FMNL2: variants seen among roughly 807,000 people sequenced by gnomAD.
FMNL2 encodes the protein formin-like protein 2.
Under a neutral mutation model 130.2 loss-of-function variants are expected in FMNL2, and 51 were observed. That is an observed-to-expected ratio of 0.39 (90% CI 0.31 to 0.49). The LOEUF (loss-of-function observed/expected upper bound fraction) is 0.49, where lower values mean the gene tolerates loss of function less well. FMNL2 is among the 20% of genes least tolerant of loss of function. FMNL2 has a pLI of 0.85. For missense variants in FMNL2, 977 were observed against 1,316.2 expected, an observed-to-expected ratio of 0.74 and a Z score of 3.99; for synonymous variants, 465 against 467.1, an observed-to-expected ratio of 1.00 and a Z score of 0.06.
At chr2:152,601,696 G>A (rs1388380556) in intron 9 of FMNL2, among the ~76,000 whole-genome samples, 1 of 138,270 alleles carries the variant, frequency 7.2e-6, no homozygotes, top group Admixed American at 7.3e-5. Context: ...TTGAGACAGA[G>A]TCTCACTCTG....
In FMNL2 at chr2:152,337,563, A is replaced by G. The variant is rs1681548221; in HGVS notation, c.117+1843A>G. Among the ~76,000 whole-genome samples, 3 of 152,112 alleles carry G rather than the reference A, an allele frequency of 2.0e-5. 1 individual carries two copies. In the South Asian group the frequency reaches 6.2e-4, roughly 31 times the overall value. The stretch of plus-strand genomic sequence containing the variant: ...GAGCTTTCATTTACCCTGCTGATTA[A>G]TAACACATGGTGTGAATTAATCTTT... On this transcript the variant is annotated intron_variant, in intron 1 of 25. Coordinates refer to ENST00000288670, the MANE Select transcript of FMNL2 (RefSeq NM_052905.4).
intron 1 of FMNL2, among the ~76,000 whole-genome samples, chr2:152,505,770 A>G (rs1692136345): frequency 6.6e-6 from 1 of 152,222 alleles, no homozygotes; most frequent in Admixed American, 6.5e-5. Context: ...AAAAAACTGA[A>G]ACCCAGAATC....
chr2:152,522,602 T>A (rs1693157250), intron 2 of FMNL2, among the ~76,000 whole-genome samples: 1 of 152,152 alleles, frequency 6.6e-6, no homozygotes, highest in Non-Finnish European at 1.5e-5. Context: ...AGTGAGTAAG[T>A]CTCATGAGAT....
Position 152,607,424 on chromosome 2 carries a change from T to A in FMNL2, c.951+11T>A, listed in dbSNP as rs1360377234. ...AACATAGATTTTATGGTGAGTTATT[T>A]CAGTATTCAATAAAGCAAACTCAGT... On this transcript the variant is annotated intron_variant, in intron 10 of 25. Transcript: ENST00000288670. The A allele has an allele frequency of 1.2e-6, 2 of 1,605,156 alleles. No homozygotes were observed. The highest frequency in any genetic ancestry group is 2.2e-5 in the East Asian group (1 of 44,778).
chr2:152,414,385 C>T (rs1686487859), intron 1 of FMNL2, among the ~76,000 whole-genome samples: 1 of 152,176 alleles, frequency 6.6e-6, no homozygotes, highest in African/African-American at 2.4e-5. Context: ...CATAGTAGCT[C>T]TTACTTGCTG....
chr2:152,624,257 A>G (rs1224029013), intron 15 of FMNL2, among the ~76,000 whole-genome samples: 1 of 151,386 alleles, frequency 6.6e-6, no homozygotes, highest in African/African-American at 2.4e-5. Flanking sequence ...TCCCGGGTTC[A>G]AGCGATTCTC....
chr2:152,562,676 G>A (rs536087973), intron 6 of FMNL2, among the ~76,000 whole-genome samples: 1 of 152,186 alleles, frequency 6.6e-6, no homozygotes, highest in Non-Finnish European at 1.5e-5. Context: ...CAAAGGTTGT[G>A]CAACCTGCTA....
chr2:152,640,241 G>A (rs1181674148), intron 24 of FMNL2, among the ~76,000 whole-genome samples, 185 bp downstream of exon 24: 7 of 152,204 alleles, frequency 4.6e-5, no homozygotes, highest in African/African-American at 1.7e-4. Flanking sequence ...CCACTGGAAT[G>A]AGGCTAAGAG....
At chr2:152,460,497 A>G (rs1689178145) in intron 1 of FMNL2, among the ~76,000 whole-genome samples, 1 of 152,206 alleles carries the variant, frequency 6.6e-6, no homozygotes, top group Admixed American at 6.5e-5. Context: ...TGGCCTTGTA[A>G]TGAATTGAGC....
chr2:152,557,372 T>C (rs572187499), intron 4 of FMNL2, among the ~76,000 whole-genome samples: 1 of 152,326 alleles, frequency 6.6e-6, no homozygotes, highest in African/African-American at 2.4e-5. Flanking sequence ...AAATGTTATA[T>C]GTTTACAGGC....
intron 1 of FMNL2, among the ~76,000 whole-genome samples, chr2:152,488,099 G>A (rs185841772): frequency 6.6e-6 from 1 of 152,288 alleles, no homozygotes; most frequent in East Asian, 1.9e-4. Flanking sequence ...ATTTCCTTTA[G>A]AAATTATTTT....
chr2:152,550,429 A>T (rs919967169), intron 4 of FMNL2, among the ~76,000 whole-genome samples: 32 of 152,328 alleles, frequency 2.1e-4, no homozygotes, highest in African/African-American at 7.7e-4. Context: ...TAGAGTCATG[A>T]TTTTAGAACT....
chr2:152,403,075 G>A (rs1414063957), intron 1 of FMNL2, among the ~76,000 whole-genome samples: 1 of 152,110 alleles, frequency 6.6e-6, no homozygotes. Flanking sequence ...TTGTTTTTCT[G>A]TGGCGATTCA....
At chr2:152,551,137 C>G (rs1313627295) in intron 4 of FMNL2, among the ~76,000 whole-genome samples, 1 of 127,806 alleles carries the variant, frequency 7.8e-6, no homozygotes, top group African/African-American at 3.4e-5. Context: ...AAGACTCCAT[C>G]TCACCGAAAA....
intron 6 of FMNL2, among the ~76,000 whole-genome samples, chr2:152,566,395 C>T (rs1695840169): frequency 6.6e-6 from 1 of 152,192 alleles, no homozygotes; most frequent in Non-Finnish European, 1.5e-5. Context: ...CAGTTTACTG[C>T]CTCTGTGAGA....
intron 10 of FMNL2, among the ~76,000 whole-genome samples, chr2:152,608,086 A>G (rs1351352420): frequency 6.6e-6 from 1 of 152,166 alleles, no homozygotes; most frequent in Non-Finnish European, 1.5e-5. Flanking sequence ...GGAAGATAGA[A>G]TCTACCATAG....
intron 1 of FMNL2, among the ~76,000 whole-genome samples, chr2:152,485,262 G>A (rs1360198218): frequency 1.3e-5 from 2 of 152,218 alleles, no homozygotes; most frequent in East Asian, 1.9e-4. Flanking sequence ...GGAGGCCAAG[G>A]CGGGCAGATC....
intron 1 of FMNL2, among the ~76,000 whole-genome samples, chr2:152,400,391 G>A (rs529661064): frequency 1.3e-5 from 2 of 152,106 alleles, no homozygotes; most frequent in South Asian, 2.1e-4. Flanking sequence ...AGCTGAGATC[G>A]CGCCACTGCA....
At chr2:152,542,620 G>A (rs1051262831) in intron 2 of FMNL2, 119 bp from the exon 3 acceptor site, 15 of 917,748 alleles carry the variant, frequency 1.6e-5, no homozygotes, top group East Asian at 1.5e-4. Flanking sequence ...ATGACTGCTC[G>A]CAGGGCCACA....
Sources: gnomAD v4.1 joint callset for allele counts (sites outside exome capture counted in the v4.1 genomes callset) on GRCh38, gnomAD v4.1.1 for gene constraint, MANE v1.5 for transcripts, NCBI Gene and HGNC (gene_info 2026-07-23, HGNC 2026-07-21) for gene names.